DDR1: variants seen among roughly 807,000 people sequenced by gnomAD.
DDR1 encodes discoidin domain receptor tyrosine kinase 1, also known as epithelial discoidin domain-containing receptor 1.
In DDR1, 64 loss-of-function variants were observed where a neutral mutation model predicts 97.4. That is an observed-to-expected ratio of 0.66 (90% CI 0.54 to 0.81). The LOEUF (loss-of-function observed/expected upper bound fraction) is 0.81, where lower values mean the gene tolerates loss of function less well. DDR1 is among the 30% of genes least tolerant of loss of function. The probability of loss-of-function intolerance (pLI) is 0.00; values close to 1 mark genes in which losing one functional copy is unlikely to be tolerated. For synonymous variants in DDR1, 458 were observed against 503.7 expected, an observed-to-expected ratio of 0.91 and a Z score of 1.21; for missense variants, 990 against 1,259.6, an observed-to-expected ratio of 0.79 and a Z score of 3.24.
intron 8 of DDR1, 75 bp from the exon 9 acceptor site, chr6:30,892,993 C>T (rs761818067): frequency 1.3e-4 from 164 of 1,286,432 alleles, no homozygotes; most frequent in Non-Finnish European, 1.7e-4. Context: ...CTTTGCACAA[C>T]AGTCCACTGC....
intron 11 of DDR1, 84 bp from the exon 12 acceptor site, chr6:30,895,320 T>G (rs1034620961): frequency 1.0e-6 from 1 of 976,756 alleles, no homozygotes; most frequent in East Asian, 2.5e-5. Context: ...TCAGCCCTGG[T>G]CTTGCCCTAT....
chr6:30,891,027 C>A lies in DDR1; in HGVS notation c.472C>A (p.Pro158Thr), dbSNP rs1373441970. 1 of 1,612,832 alleles carries A rather than the reference C, an allele frequency of 6.2e-7. No homozygotes were observed. The highest frequency in any genetic ancestry group is 1.3e-5 in the African/African-American group (1 of 74,928). ...AGTGGTGCTGAAGGACCTTGGGCCC[C>A]CCATGGTTGCCCGACTGGTTCGCTT... Reference protein sequence around the residue: ...EGVVLKDLGPPMVARLVRFYP... With the variant: ...EGVVLKDLGPTMVARLVRFYP... Residue 158 changes from proline to threonine, a missense_variant, in exon 5 of 18, where the codon CCC becomes ACC. Coordinates refer to ENST00000376568, the MANE Select transcript of DDR1 (RefSeq NM_001297654.2). The surrounding 1 kb of genome is among the most constrained non-coding windows in gnomAD (Gnocchi z 5.3).
chr6:30,893,275 T>C lies in DDR1; in HGVS notation c.1199T>C (p.Leu400Pro), dbSNP rs766177606. ...CTGACCCTGCTGCCTCCACCAGAGC[T>C]GGAGCCCAGAGGCCAGCAGCCCGTG... is the stretch of plus-strand genomic sequence containing the variant. ...PPPTNFSSLE[L>P]EPRGQQPVAK... The change falls in exon 10 of 18, where the codon CTG becomes CCG. Residue 400 changes from leucine (L) to proline (P), a missense_variant. Transcript: ENST00000376568. 1 of 1,604,514 alleles carries C rather than the reference T, an allele frequency of 6.2e-7. No homozygotes were observed. The highest frequency in any genetic ancestry group is 2.2e-5 in the East Asian group (1 of 44,870).
At position 30,899,306 on chromosome 6, in the gene DDR1, C is replaced by G. The variant is rs377500243; in HGVS notation, c.*10C>G. On this transcript the variant is annotated 3_prime_UTR_variant, in exon 18 of 18. Transcript: ENST00000376568. The stretch of plus-strand genomic sequence containing the variant: ...ACTCAACACGGTGTGAATCACACAT[C>G]CAGCTGCCCCTCCCTCAGGGAGCGA... 9.4e-6 allele frequency: 15 copies of G among 1,600,070 alleles called. No individual in the cohort carries two copies. The highest frequency in any genetic ancestry group is 1.2e-5 in the Non-Finnish European group (14 of 1,170,432).
chr6:30,898,002 G>A, intron 15 of DDR1, 71 bp from the exon 16 acceptor site: 3 of 1,238,266 alleles, frequency 2.4e-6, no homozygotes, highest in Non-Finnish European at 1.2e-6. Flanking sequence ...CGGGGAGTGG[G>A]CTCTCTCTCC....
intron 16 of DDR1, 31 bp downstream of exon 16, chr6:30,898,338 C>A: frequency 6.4e-7 from 1 of 1,553,090 alleles, no homozygotes; most frequent in Non-Finnish European, 8.8e-7. Context: ...CAGGTTGGAG[C>A]AGGGCAGGTG....
intron 1 of DDR1, chr6:30,885,898 G>A: frequency 8.8e-7 from 1 of 1,142,714 alleles, no homozygotes; most frequent in Non-Finnish European, 1.2e-6. Context: ...AGAGGAGCGT[G>A]AAGGGCTTGA....
upstream of DDR1, among the ~76,000 whole-genome samples, chr6:30,882,446 C>A (rs549103869): frequency 5.9e-5 from 9 of 152,130 alleles, no homozygotes; most frequent in East Asian, 1.7e-3. The surrounding 1 kb of genome is among the most constrained non-coding windows in gnomAD (Gnocchi z 4.8). Context: ...GGTAATCAGG[C>A]CCTCTTGGTC....
At position 30,892,113 on chromosome 6, in the gene DDR1, C is replaced by T. The variant is rs112508523; in HGVS notation, c.777C>T (p.Ser259=). ...CAGGCTATGACTATGTGGGATGGAG[C>T]AACCACAGCTTCTCCAGTGGCTATG... is the stretch of plus-strand genomic sequence containing the variant. ...VWPGYDYVGW[S]NHSFSSGYVE... Residue 259 remains serine, a synonymous_variant, in exon 7 of 18, where the codon AGC becomes AGT. Transcript: ENST00000376568. The T allele has an allele frequency of 7.3e-4, 1,173 of 1,614,200 alleles. 4 individuals carry two copies. The Middle Eastern group carries it at 7.4e-3, about 10-fold the overall frequency.
Position 30,897,967 on chromosome 6 carries a change from C to A in DDR1, c.2217-106C>A. 3.6e-6 allele frequency: 3 copies of A among 841,030 alleles called. No individual in the cohort carries two copies. The highest frequency in any genetic ancestry group is 5.7e-6 in the Non-Finnish European group (3 of 523,362). 52.1% of individuals were successfully genotyped at this position (841,030 alleles called of 1,614,324 possible). On this transcript the variant is annotated intron_variant, in intron 15 of 17. Transcript: ENST00000376568. This position sits in a 1 kb window ranked among gnomAD's most constrained non-coding sequence, Gnocchi z 5.2. ...GCCTCACGTGGGCATTCCACCTCCA[C>A]ATGGGGAGCCAGAGTGACCGGGCCC...
chr6:30,889,692 C>A lies in DDR1; in HGVS notation c.417+262C>A, dbSNP rs1470811758. Among the ~76,000 whole-genome samples the A allele has an allele frequency of 2.0e-5, 3 of 151,862 alleles. No homozygotes were observed. Among genetic ancestry groups the A allele is most frequent in the African/African-American group, 7.3e-5 (3 of 41,284 alleles). On this transcript the variant is annotated intron_variant, in intron 4 of 17. Coordinates refer to ENST00000376568, the MANE Select transcript of DDR1 (RefSeq NM_001297654.2). The surrounding 1 kb of genome is among the most constrained non-coding windows in gnomAD (Gnocchi z 4.9). ...ACTCCTGGGCTCAGTGATCCTCCCA[C>A]CTTAGCCTCCCAAAGTGCTGGGATT...
chr6:30,894,726 G>T lies in DDR1; in HGVS notation c.1513+55G>T. 1 of 1,480,590 alleles carries T rather than the reference G, an allele frequency of 6.8e-7. No homozygotes were observed. 91.7% of individuals were successfully genotyped at this position (1,480,590 alleles called of 1,614,324 possible). A position where few individuals can be genotyped will look rare whatever the true frequency, so the allele number is the denominator to read the frequency against. ...CTGTCCTCTCTGCTGTTTTCTTATT[G>T]TATCCCTTTCCCATTCTCTTTTTTT... is the stretch of plus-strand genomic sequence containing the variant. On this transcript the variant is annotated intron_variant, in intron 11 of 17. Coordinates refer to ENST00000376568, the MANE Select transcript of DDR1 (RefSeq NM_001297654.2). This position sits in a 1 kb window ranked among gnomAD's most constrained non-coding sequence, Gnocchi z 5.7.
At position 30,892,395 on chromosome 6, in the gene DDR1, A is replaced by G. The variant is rs780244606; in HGVS notation, c.952A>G (p.Met318Val). The change falls in exon 8 of 18, where the codon ATG (methionine) becomes GTG (valine). Residue 318 changes from methionine (M) to valine (V), a missense_variant. Met to Val is a conservative substitution (Grantham distance 21). Coordinates refer to ENST00000376568, the MANE Select transcript of DDR1 (RefSeq NM_001297654.2). Reference protein sequence around the residue: ...GPAMAWEGEPMRHNLGGNLGD... With the variant: ...GPAMAWEGEPVRHNLGGNLGD... ...TGCCATGGCCTGGGAGGGGGAGCCC[A>G]TGCGCCACAACCTAGGGGGCAACCT... is the stretch of plus-strand genomic sequence containing the variant. 6 of 1,597,356 alleles carry G rather than the reference A, an allele frequency of 3.8e-6. No individual in the cohort carries two copies. The African/African-American group carries it at 8.0e-5, about 21-fold the overall frequency.
chr6:30,894,604 C>T lies in DDR1; in HGVS notation c.1446C>T (p.Pro482=). The T allele has an allele frequency of 6.2e-7, 1 of 1,613,482 alleles. No homozygotes were observed. The change falls in exon 11 of 18, where the codon CCC becomes CCT. Residue 482 remains proline (P), a synonymous_variant. Transcript: ENST00000376568. The surrounding 1 kb of genome is among the most constrained non-coding windows in gnomAD (Gnocchi z 5.7). ...ACCGCCCAGGTCCTAGAGAGCCACCCCCGTACCAGGAGCCCCGGCCTCGTG... is the reference window on the plus strand; with the variant it reads ...ACCGCCCAGGTCCTAGAGAGCCACCTCCGTACCAGGAGCCCCGGCCTCGTG... ...INNRPGPREP[P]PYQEPRPRGN...
Position 30,894,694 on chromosome 6 carries a change from C to T in DDR1, c.1513+23C>T, listed in dbSNP as rs534263181. ...CTGGTAAGACCTGCCTTGTTCCAGT[C>T]GCACCTCTGTCCTCTCTGCTGTTTT... On this transcript the variant is annotated intron_variant, in intron 11 of 17. Coordinates refer to ENST00000376568, the MANE Select transcript of DDR1 (RefSeq NM_001297654.2). The surrounding 1 kb of genome is among the most constrained non-coding windows in gnomAD (Gnocchi z 5.7). 82 of 1,566,682 alleles carry T rather than the reference C, an allele frequency of 5.2e-5. No individual in the cohort carries two copies. Among genetic ancestry groups the T allele is most frequent in the South Asian group, 9.4e-5 (8 of 84,836 alleles).
At chr6:30,882,459 T>TAAA (rs369903426), upstream of DDR1, among the ~76,000 whole-genome samples, 341 of 152,268 alleles carry the variant, frequency 2.2e-3, no homozygotes, top group African/African-American at 7.6e-3. This position sits in a 1 kb window ranked among gnomAD's most constrained non-coding sequence, Gnocchi z 4.8. Context: ...TCTTGGTCTT[T>TAAA]GGTGCTGCTC....
upstream of DDR1, chr6:30,883,986 C>G (rs41266872): frequency 0.049 from 7,560 of 153,110 alleles, 241 homozygotes; most frequent in Non-Finnish European, 0.076. The surrounding 1 kb of genome is among the most constrained non-coding windows in gnomAD (Gnocchi z 4.9). Context: ...CGCAGCTGGG[C>G]TGGGCCGAGC....
chr6:30,889,423 G>A lies in DDR1; in HGVS notation c.410G>A (p.Gly137Asp). 1 of 1,537,148 alleles carries A rather than the reference G, an allele frequency of 6.5e-7. No individual in the cohort carries two copies. Among genetic ancestry groups the A allele is most frequent in the Non-Finnish European group, 8.7e-7 (1 of 1,143,192 alleles). The change falls in exon 4 of 18, where the codon GGT becomes GAT. Residue 137 changes from glycine to aspartate, a missense_variant. Transcript: ENST00000376568. The surrounding 1 kb of genome is among the most constrained non-coding windows in gnomAD (Gnocchi z 4.9). ...RRWMGWKDRW[G>D]QEVISGNEDP... is the part of the protein sequence containing the mutation. The stretch of plus-strand genomic sequence containing the variant: ...TGGATGGGCTGGAAGGACCGCTGGG[G>A]TCAGGAGGTGAGACTGGCAGGGGCA...
At chr6:30,882,596 AT>A (rs1784475796), upstream of DDR1, 1 of 152,272 alleles carries the variant, frequency 6.6e-6, no homozygotes, top group Admixed American at 6.5e-5. The surrounding 1 kb of genome is among the most constrained non-coding windows in gnomAD (Gnocchi z 4.8). Context: ...CCAGCCTTGC[AT>A]CCCTCCCACT....
Sources: gnomAD v4.1 joint callset for allele counts (sites outside exome capture counted in the v4.1 genomes callset) on GRCh38, gnomAD v4.1.1 for gene constraint, Gnocchi (gnomAD v3.1) non-coding constraint, MANE v1.5 for transcripts, NCBI Gene and HGNC (gene_info 2026-07-23, HGNC 2026-07-21) for gene names.